Variants in PCDH11X observed in about 807,000 individuals in gnomAD.
PCDH11X encodes the protein protocadherin 11 X-linked.
PCDH11X carries 18 observed loss-of-function variants against 53.3 expected under a neutral mutation model. The observed-to-expected ratio is 0.34, with a 90% CI of 0.23 to 0.50. PCDH11X has a LOEUF of 0.50. Ranked by LOEUF, PCDH11X falls within the 20% of genes least tolerant of loss-of-function variation. PCDH11X has a pLI of 0.98. For synonymous variants in PCDH11X, 279 were observed against 393.3 expected (o/e 0.71, Z 3.44); for missense variants, 570 against 1,032.4 (o/e 0.55, Z 6.14).
intron 8 of PCDH11X, among the ~76,000 whole-genome samples, chrX:92,287,409 C>T (rs1443275432): frequency 6.3e-5 from 7 of 111,492 alleles, no homozygotes; most frequent in Non-Finnish European, 1.1e-4. Flanking sequence ...CATTGCTCAA[C>T]TCCCACTTGT....
rs529505234 is a variant in PCDH11X at position 91,866,687 on chromosome X, T to C, written c.541-10094T>C. ...CAGTGCCTCTTTTGGGGTATGAGGT[T>C]CAAACTAAGTACTATGAGTGCTCAC... On this transcript the variant is annotated intron_variant, in intron 5 of 10. Coordinates refer to ENST00000682573, the MANE Select transcript of PCDH11X (RefSeq NM_032968.5). Among the ~76,000 whole-genome samples, 119 of 110,450 alleles carry C rather than the reference T, an allele frequency of 1.1e-3. 3 individuals carry two copies. The South Asian group carries it at 0.047, about 43-fold the overall frequency.
intron 6 of PCDH11X, among the ~76,000 whole-genome samples, chrX:92,148,185 T>C (rs181263553): frequency 0.013 from 582 of 46,259 alleles, 72 homozygotes; most frequent in African/African-American, 0.052. Flanking sequence ...TCTTTCTTTC[T>C]TTCTTTCTTT....
intron 6 of PCDH11X, among the ~76,000 whole-genome samples, chrX:92,107,867 A>G (rs1451859185): frequency 8.9e-6 from 1 of 112,194 alleles, no homozygotes; most frequent in Non-Finnish European, 1.9e-5. Context: ...CTCTTAAAAT[A>G]CTTTACAGAA....
chrX:92,554,537 C>A (rs928966125), intron 10 of PCDH11X, among the ~76,000 whole-genome samples: 6 of 101,841 alleles, frequency 5.9e-5, no homozygotes, highest in African/African-American at 2.1e-4. Context: ...ACATATATAT[C>A]TAACTATAAC....
intron 6 of PCDH11X, among the ~76,000 whole-genome samples, chrX:91,940,879 A>G (rs2061501034): frequency 9.1e-6 from 1 of 109,390 alleles, no homozygotes; most frequent in Non-Finnish European, 1.9e-5. Flanking sequence ...GATGTAGGAT[A>G]ATATAGTCTG....
At position 92,115,791 on chromosome X, in the gene PCDH11X, G is replaced by A. The variant is rs367643863; in HGVS notation, c.3034-85584G>A. On this transcript the variant is annotated intron_variant, in intron 6 of 10. Transcript: ENST00000682573. ...CACCTTCTTCTGACTGCCTTTTCTA[G>A]CTGCGCTGGCAGGTGATTGGATGAT... Among the ~76,000 whole-genome samples the A allele has an allele frequency of 3.0e-4, 33 of 109,395 alleles. No homozygotes were observed. In the East Asian group the frequency reaches 7.8e-3, roughly 26 times the overall value. 95.0% of individuals were successfully genotyped at this position (109,395 alleles called of 115,157 possible).
intron 10 of PCDH11X, among the ~76,000 whole-genome samples, chrX:92,482,226 G>A (rs1262939444): frequency 4.5e-5 from 5 of 111,699 alleles, no homozygotes; most frequent in African/African-American, 9.8e-5. Flanking sequence ...CTTAGACATC[G>A]TAGATGTTAA....
chrX:92,482,934 C>G (rs2073540700), intron 10 of PCDH11X, among the ~76,000 whole-genome samples: 1 of 110,819 alleles, frequency 9.0e-6, no homozygotes, highest in Non-Finnish European at 1.9e-5. Flanking sequence ...TCCATGGGAA[C>G]AGTATATTGT....
At chrX:91,852,008 C>CTTT (rs59675485) in intron 5 of PCDH11X, among the ~76,000 whole-genome samples, 10 of 94,449 alleles carry the variant, frequency 1.1e-4, no homozygotes, top group East Asian at 3.4e-4. Flanking sequence ...ATTAGGAATT[C>CTTT]TTTTTTTTTT....
intron 5 of PCDH11X, among the ~76,000 whole-genome samples, chrX:91,843,430 C>T (rs1937562149): frequency 9.5e-6 from 1 of 105,508 alleles, no homozygotes; most frequent in Non-Finnish European, 1.9e-5. Flanking sequence ...CTACCTTAGC[C>T]TCCCGAGTAG....
chrX:92,555,045 G>A (rs112901481), intron 10 of PCDH11X, among the ~76,000 whole-genome samples: 2,326 of 111,527 alleles, frequency 0.021, 64 homozygotes, highest in African/African-American at 0.07. Context: ...GCAGGGTTTC[G>A]CGACGTATAT....
intron 10 of PCDH11X, among the ~76,000 whole-genome samples, chrX:92,543,623 G>T (rs2557197): frequency 9.1e-6 from 1 of 110,386 alleles, no homozygotes; most frequent in East Asian, 2.9e-4. Flanking sequence ...GGTGGCTCAC[G>T]CCTGTAACTA....
chrX:92,528,149 C>G (rs1000855667), intron 10 of PCDH11X, among the ~76,000 whole-genome samples: 1 of 111,978 alleles, frequency 8.9e-6, no homozygotes, highest in African/African-American at 3.2e-5. Context: ...TTTTCTAGAA[C>G]AGGAGTGTAC....
intron 8 of PCDH11X, among the ~76,000 whole-genome samples, chrX:92,344,032 T>C (rs1008539460): frequency 2.7e-5 from 3 of 110,267 alleles, no homozygotes; most frequent in East Asian, 2.9e-4. Context: ...ATTCTATATA[T>C]AGTAGGAACT....
At chrX:92,154,673 C>A (rs78941434) in intron 6 of PCDH11X, among the ~76,000 whole-genome samples, 1 of 110,824 alleles carries the variant, frequency 9.0e-6, no homozygotes, top group Non-Finnish European at 1.9e-5. Flanking sequence ...AAGACACAAG[C>A]GGCTGGTCAT....
chrX:91,948,282 G>A (rs1569271341), intron 6 of PCDH11X, among the ~76,000 whole-genome samples: 3 of 110,986 alleles, frequency 2.7e-5, no homozygotes, highest in Non-Finnish European at 3.8e-5. Context: ...AGCAATCAAA[G>A]CAAAAGAAAA....
At chrX:91,921,726 T>C (rs1475697743) in intron 6 of PCDH11X, among the ~76,000 whole-genome samples, 2 of 106,576 alleles carry the variant, frequency 1.9e-5, no homozygotes, top group African/African-American at 6.8e-5. Flanking sequence ...GATATCTTGG[T>C]TACATTCAAA....
chrX:91,823,741 T>C (rs1236050164), intron 4 of PCDH11X, among the ~76,000 whole-genome samples: 2 of 111,203 alleles, frequency 1.8e-5, no homozygotes, highest in African/African-American at 6.6e-5. Context: ...TTATTTTGCT[T>C]GTTAGTTGAT....
rs1334911055 is a variant in PCDH11X at position 92,621,189 on chromosome X, G to A, written c.*2249G>A. The A allele has an allele frequency of 1.0e-5, 1 of 97,294 alleles. No individual in the cohort carries two copies. The highest frequency in any genetic ancestry group is 2.0e-5 in the Non-Finnish European group (1 of 49,550). The allele number at this position is 97,294 out of a possible 1,213,427, so 8.0% of individuals were successfully genotyped here. A position where few individuals can be genotyped will look rare whatever the true frequency, so the allele number is the denominator to read the frequency against. On this transcript the variant is annotated 3_prime_UTR_variant, in exon 11 of 11. Transcript: ENST00000682573. ...ACACATTTAAATGATATAAAAAGAA[G>A]AGGTTGAAAGATTATTAAATAACTT...
Sources: allele counts gnomAD v4.1 joint callset (sites outside exome capture counted in the v4.1 genomes callset), GRCh38; gene constraint gnomAD v4.1.1; transcripts MANE v1.5; gene names NCBI Gene and HGNC (gene_info 2026-07-23, HGNC 2026-07-21).